ADGRL3: variants seen among roughly 807,000 people sequenced by gnomAD.
ADGRL3 encodes the protein adhesion G protein-coupled receptor L3, also known as calcium-independent alpha-latrotoxin receptor 3.
In ADGRL3, 62 loss-of-function variants were observed where a neutral mutation model predicts 153.5. That is an observed-to-expected ratio of 0.40 (90% CI 0.33 to 0.50). The LOEUF (loss-of-function observed/expected upper bound fraction) is 0.50. ADGRL3 is among the 20% of genes least tolerant of loss of function. ADGRL3 has a pLI of 0.47. For missense variants in ADGRL3, 1,641 were observed against 1,859.4 expected, an observed-to-expected ratio of 0.88 and a Z score of 2.16; for synonymous variants, 710 against 672.5, an observed-to-expected ratio of 1.06 and a Z score of -0.86.
intron 19 of ADGRL3, among the ~76,000 whole-genome samples, chr4:61,984,097 T>A (rs2099077537): frequency 6.6e-6 from 1 of 152,192 alleles, no homozygotes; most frequent in African/African-American, 2.4e-5. Flanking sequence ...TGATGAATTT[T>A]GCTTTCAACA....
chr4:62,029,591 A>G (rs1165343452), intron 22 of ADGRL3, among the ~76,000 whole-genome samples: 2 of 151,578 alleles, frequency 1.3e-5, no homozygotes, highest in Non-Finnish European at 3.0e-5. Flanking sequence ...TTGGTAACCT[A>G]TGGGCAACCT....
At chr4:61,898,440 C>T (rs1049108296) in intron 11 of ADGRL3, among the ~76,000 whole-genome samples, 2 of 152,000 alleles carry the variant, frequency 1.3e-5, no homozygotes, top group Middle Eastern at 3.2e-3. Context: ...AACTCTCTCT[C>T]TTGTGAGAGA....
chr4:62,067,562 TA>T, intron 25 of ADGRL3, among the ~76,000 whole-genome samples: 1 of 152,080 alleles, frequency 6.6e-6, no homozygotes, highest in South Asian at 2.1e-4. Context: ...AAAATGACAA[TA>T]TTGCTCAGTT....
intron 9 of ADGRL3, among the ~76,000 whole-genome samples, chr4:61,834,572 T>G (rs1346972667): frequency 6.6e-6 from 1 of 152,110 alleles, no homozygotes; most frequent in African/African-American, 2.4e-5. Flanking sequence ...TAAAACTTGT[T>G]AATCTTAAGG....
chr4:61,759,525 G>C (rs2152151591), intron 8 of ADGRL3, among the ~76,000 whole-genome samples: 1 of 152,160 alleles, frequency 6.6e-6, no homozygotes, highest in African/African-American at 2.4e-5. Context: ...GCTCCATCAG[G>C]TCCTTTAAGG....
At chr4:61,710,407 C>T (rs1036837604) in intron 6 of ADGRL3, among the ~76,000 whole-genome samples, 1 of 152,102 alleles carries the variant, frequency 6.6e-6, no homozygotes, top group Non-Finnish European at 1.5e-5. Flanking sequence ...TTTGGAATGT[C>T]CCTTATTCTC....
intron 1 of ADGRL3, among the ~76,000 whole-genome samples, chr4:61,317,036 A>G (rs1388894325): frequency 6.6e-6 from 1 of 152,176 alleles, no homozygotes. Context: ...TTCCACCAAT[A>G]CTTACCTTTG....
At chr4:61,323,150 C>T (rs919033784) in intron 1 of ADGRL3, among the ~76,000 whole-genome samples, 1 of 152,152 alleles carries the variant, frequency 6.6e-6, no homozygotes, top group Non-Finnish European at 1.5e-5. Flanking sequence ...CTACATTGGA[C>T]CCTTTTAGTC....
chr4:61,227,920 A>G (rs927683759), intron 1 of ADGRL3, among the ~76,000 whole-genome samples: 1 of 152,206 alleles, frequency 6.6e-6, no homozygotes, highest in South Asian at 2.1e-4. Context: ...TTTTGGATCA[A>G]TTGTTGACTT....
chr4:62,045,788 G>A (rs1006597779), intron 25 of ADGRL3, among the ~76,000 whole-genome samples: 2 of 151,916 alleles, frequency 1.3e-5, no homozygotes, highest in African/African-American at 4.8e-5. Flanking sequence ...TAAGAATAGT[G>A]AGTGAGAATA....
chr4:61,844,578 A>ATATATC (rs1554045153), intron 9 of ADGRL3, among the ~76,000 whole-genome samples: 6 of 93,506 alleles, frequency 6.4e-5, no homozygotes, highest in Non-Finnish European at 1.3e-4. Flanking sequence ...AAAAAAAAAT[A>ATATATC]TATATATATA....
At chr4:61,830,174 A>C (rs1488052635) in intron 9 of ADGRL3, among the ~76,000 whole-genome samples, 1 of 151,954 alleles carries the variant, frequency 6.6e-6, no homozygotes, top group African/African-American at 2.4e-5. Flanking sequence ...ATGCCCAGCT[A>C]ATTTTTCTTT....
chr4:61,260,380 A>G (rs532486988), intron 1 of ADGRL3, among the ~76,000 whole-genome samples: 1 of 152,338 alleles, frequency 6.6e-6, no homozygotes, highest in South Asian at 2.1e-4. Flanking sequence ...TCCCGTGTTA[A>G]TGAATAATGA....
chr4:61,704,629 C>T (rs1419239701), intron 6 of ADGRL3, among the ~76,000 whole-genome samples: 2 of 152,126 alleles, frequency 1.3e-5, no homozygotes. Flanking sequence ...TCACATGGAT[C>T]GATTCTCCCT....
At chr4:61,529,271 C>G (rs892527401) in intron 4 of ADGRL3, among the ~76,000 whole-genome samples, 79 of 152,220 alleles carry the variant, frequency 5.2e-4, no homozygotes, top group African/African-American at 1.8e-3. Flanking sequence ...ACTTGTCTAT[C>G]CAGTATGTAT....
chr4:61,618,774 T>C (rs796246646), intron 5 of ADGRL3, among the ~76,000 whole-genome samples: 2 of 152,176 alleles, frequency 1.3e-5, no homozygotes, highest in African/African-American at 4.8e-5. Context: ...TGGAGTGTAA[T>C]GGCAGGATCA....
At chr4:62,052,236 A>C (rs1299631523) in intron 25 of ADGRL3, among the ~76,000 whole-genome samples, 1 of 151,650 alleles carries the variant, frequency 6.6e-6, no homozygotes, top group East Asian at 1.9e-4. Flanking sequence ...TCATATAATG[A>C]CAATTTTTCA....
At chr4:61,782,230 C>A (rs116828034) in intron 8 of ADGRL3, among the ~76,000 whole-genome samples, 2,029 of 152,206 alleles carry the variant, frequency 0.013, 22 homozygotes, top group Non-Finnish European at 0.021. Context: ...ACATTCCTTT[C>A]TTTTTCTATT....
At position 61,761,753 on chromosome 4, in the gene ADGRL3, G is replaced by A. The variant is rs112777919; in HGVS notation, c.1399+28199G>A. Among the ~76,000 whole-genome samples, 15 of 152,276 alleles carry A rather than the reference G, an allele frequency of 9.9e-5. 1 individual carries two copies. The highest frequency in any genetic ancestry group is 2.2e-4 in the African/African-American group (9 of 41,554). On this transcript the variant is annotated intron_variant, in intron 8 of 26. Coordinates refer to ENST00000683033, the MANE Select transcript of ADGRL3 (RefSeq NM_001387552.1). ...GATACCAGCCTGGGCAACAAAGTGC[G>A]ACCCCATCTCTACAAAAACAAATTA... is the stretch of plus-strand genomic sequence containing the variant.
Sources: allele counts gnomAD v4.1 joint callset (sites outside exome capture counted in the v4.1 genomes callset), GRCh38; gene constraint gnomAD v4.1.1; transcripts MANE v1.5; gene names NCBI Gene and HGNC (gene_info 2026-07-23, HGNC 2026-07-21).